LONP2: variants seen among roughly 807,000 people sequenced by gnomAD.
LONP2 encodes lon protease homolog 2, peroxisomal.
LONP2 carries 60 observed loss-of-function variants against 85.6 expected under a neutral mutation model. The observed-to-expected ratio is 0.70, with a 90% CI of 0.57 to 0.87. LONP2 has a LOEUF of 0.87. LONP2 is among the 40% of genes least tolerant of loss of function. The probability of loss-of-function intolerance (pLI) is 0.00; values close to 1 mark genes in which losing one functional copy is unlikely to be tolerated. For synonymous variants in LONP2, 395 were observed against 389.7 expected, an observed-to-expected ratio of 1.01 and a Z score of -0.16; for missense variants, 860 against 1,063.5, an observed-to-expected ratio of 0.81 and a Z score of 2.66.
chr16:48,324,346 A>G (rs1973327127), intron 11 of LONP2, among the ~76,000 whole-genome samples: 1 of 152,214 alleles, frequency 6.6e-6, no homozygotes, highest in African/African-American at 2.4e-5. Flanking sequence ...TCGTGTGTCA[A>G]ACAGTTGAGA....
At chr16:48,359,184 G>C (rs540985437), downstream of LONP2, among the ~76,000 whole-genome samples, 2 of 152,100 alleles carry the variant, frequency 1.3e-5, no homozygotes, top group South Asian at 2.1e-4. Flanking sequence ...TGTTGGTCTC[G>C]AACTCCTGAC....
intron 6 of LONP2, 51 bp downstream of exon 6, chr16:48,262,923 C>A: frequency 8.6e-7 from 1 of 1,168,438 alleles, no homozygotes; most frequent in South Asian, 1.4e-5. Flanking sequence ...ACTCAGAAAG[C>A]TCATGCAATT....
downstream of LONP2, among the ~76,000 whole-genome samples, chr16:48,358,890 G>T (rs562497863): frequency 6.6e-6 from 1 of 152,172 alleles, no homozygotes. Context: ...CATCTCAATT[G>T]TATGTGCAGT....
downstream of LONP2, chr16:48,361,546 TTAAA>T: frequency 6.2e-7 from 1 of 1,602,666 alleles, no homozygotes; most frequent in Non-Finnish European, 8.5e-7. Flanking sequence ...AACTGAAGTT[TTAAA>T]CACTGGCCAG....
At chr16:48,251,933 G>A (rs1479887100) in intron 1 of LONP2, among the ~76,000 whole-genome samples, 198 bp from the exon 2 acceptor site, 3 of 152,254 alleles carry the variant, frequency 2.0e-5, no homozygotes, top group Admixed American at 1.3e-4. Context: ...TAGTGAGATG[G>A]TCTGCTTTGC....
chr16:48,267,412 GC>G (rs1438834874), intron 6 of LONP2, among the ~76,000 whole-genome samples: 2 of 152,088 alleles, frequency 1.3e-5, no homozygotes, highest in Non-Finnish European at 2.9e-5. Context: ...CAATTCTCCT[GC>G]CTCAGCCTCT....
intron 8 of LONP2, among the ~76,000 whole-genome samples, chr16:48,278,496 A>G (rs185457555): frequency 1.5e-4 from 23 of 152,294 alleles, no homozygotes; most frequent in Admixed American, 1.3e-3. Flanking sequence ...TAGACTTTGC[A>G]TATCTGAAAA....
chr16:48,284,661 T>C (rs1972400181), intron 8 of LONP2, among the ~76,000 whole-genome samples: 1 of 152,194 alleles, frequency 6.6e-6, no homozygotes, highest in African/African-American at 2.4e-5. Context: ...CTATAGTATA[T>C]TGTGTAAACA....
At position 48,356,512 on chromosome 16, in the gene LONP2, TAAAA is replaced by T. The variant is rs535516550; in HGVS notation, c.*4728_*4731del. The T allele has an allele frequency of 9.5e-4, 78 of 82,112 alleles. No individual in the cohort carries two copies. The highest frequency in any genetic ancestry group is 9.3e-3 in the Middle Eastern group (1 of 108). The allele number at this position is 82,112 out of a possible 1,614,324, so 5.1% of individuals were successfully genotyped here. A position where few individuals can be genotyped will look rare whatever the true frequency, so the allele number is the denominator to read the frequency against. On this transcript the variant is annotated 3_prime_UTR_variant, in exon 15 of 15. Transcript: ENST00000285737. Reference sequence around the variant, plus strand: ...TGCCATGAAAATTGTATCCAGCAGCTAAAAAAAAAAAAAAAAAAAAAGACTACAG... The same window carrying T: ...TGCCATGAAAATTGTATCCAGCAGCTAAAAAAAAAAAAAAAAAGACTACAG...
At chr16:48,277,219 T>G in intron 7 of LONP2, 119 bp from the exon 8 acceptor site, 1 of 873,576 alleles carries the variant, frequency 1.1e-6, no homozygotes, top group Admixed American at 2.7e-5. Flanking sequence ...TAGTACCTCT[T>G]TGCTATATTA....
chr16:48,282,410 CAAAAAA>C (rs773913986), intron 8 of LONP2, among the ~76,000 whole-genome samples: 1 of 83,826 alleles, frequency 1.2e-5, no homozygotes, highest in Non-Finnish European at 2.6e-5. Flanking sequence ...GACTCTGTCT[CAAAAAA>C]AAAAAAAAAA....
chr16:48,341,804 G>A (rs1374471925), intron 12 of LONP2, among the ~76,000 whole-genome samples: 1 of 152,208 alleles, frequency 6.6e-6, no homozygotes, highest in Non-Finnish European at 1.5e-5. Context: ...GGAGGAGCAG[G>A]AGTGGGTGCA....
At chr16:48,262,708 T>G in intron 5 of LONP2, 70 bp from the exon 6 acceptor site, 1 of 921,616 alleles carries the variant, frequency 1.1e-6, no homozygotes. Context: ...AAGAGAGCTG[T>G]GTTTGATTTT....
chr16:48,267,420 C>T (rs1156848170), intron 6 of LONP2, among the ~76,000 whole-genome samples: 1 of 152,104 alleles, frequency 6.6e-6, no homozygotes. Context: ...CTGCCTCAGC[C>T]TCTCAAGTAG....
At chr16:48,338,725 C>T (rs924282946) in intron 12 of LONP2, among the ~76,000 whole-genome samples, 34 of 151,910 alleles carry the variant, frequency 2.2e-4, no homozygotes, top group Non-Finnish European at 4.0e-4. Context: ...CTGGGCGACA[C>T]GGCAAAATCC....
downstream of LONP2, among the ~76,000 whole-genome samples, chr16:48,358,495 G>C: frequency 6.6e-6 from 1 of 152,132 alleles, no homozygotes; most frequent in South Asian, 2.1e-4. Context: ...AGGCCTACAA[G>C]GTAATACATA....
chr16:48,312,375 A>G (rs1426654436), intron 11 of LONP2, among the ~76,000 whole-genome samples: 1 of 149,356 alleles, frequency 6.7e-6, no homozygotes. Context: ...TTTTTTTCAT[A>G]TTTCCAATAT....
rs61528456 is a variant in LONP2, at chr16:48,304,589, C to T, written c.1795+1284C>T. On this transcript the variant is annotated intron_variant, in intron 11 of 14. Coordinates refer to ENST00000285737, the MANE Select transcript of LONP2 (RefSeq NM_031490.5). ...CGTGGTGTTGGGCGCCTGTAGTCCC[C>T]GCTACTCTGGAGGTTGAGGCAGGAG... Among the ~76,000 whole-genome samples, 843 of 152,002 alleles carry T rather than the reference C, an allele frequency of 5.5e-3. 6 individuals carry two copies. The highest frequency in any genetic ancestry group is 0.019 in the African/African-American group (789 of 41,436).
intron 6 of LONP2, among the ~76,000 whole-genome samples, chr16:48,266,309 A>G (rs1184347537): frequency 1.3e-5 from 2 of 150,636 alleles, no homozygotes; most frequent in East Asian, 3.9e-4. Context: ...CTGGCCCTTA[A>G]TTTCTCTTTG....
Sources: allele counts gnomAD v4.1 joint callset (sites outside exome capture counted in the v4.1 genomes callset), GRCh38; gene constraint gnomAD v4.1.1; transcripts MANE v1.5; gene names NCBI Gene and HGNC (gene_info 2026-07-23, HGNC 2026-07-21).